The following TMEM117 variants were observed in gnomAD, a reference collection of about 807,000 sequenced individuals.
TMEM117 encodes transmembrane protein 117.
TMEM117 carries 27 observed loss-of-function variants against 52.4 expected under a neutral mutation model. The observed-to-expected ratio is 0.51, with a 90% confidence interval of 0.38 to 0.71. TMEM117 has a LOEUF of 0.71. TMEM117 is among the 30% of genes least tolerant of loss of function. The pLI is 0.00. For synonymous variants in TMEM117, 215 were observed against 206.3 expected (o/e 1.04, Z -0.36); for missense variants, 556 against 630.5 (o/e 0.88, Z 1.26).
At chr12:43,844,990 AC>A (rs1943177669) in intron 2 of TMEM117, 62 bp downstream of exon 2, 4 of 1,538,594 alleles carry the variant, frequency 2.6e-6, no homozygotes, top group Non-Finnish European at 3.5e-6. Flanking sequence ...TCTCCAAGAT[AC>A]AACTTTGCTA....
rs1337731687 is a variant in TMEM117 at position 43,873,917 on chromosome 12, CT to C, written c.277+28990del. 2.0e-5 allele frequency among the ~76,000 whole-genome samples: 3 copies of C among 152,178 alleles called. No individual in the cohort carries two copies. The East Asian group carries it at 5.8e-4, about 29-fold the overall frequency. On this transcript the variant is annotated intron_variant, in intron 2 of 7. Transcript: ENST00000266534. ...TCTTTCATTTCTTTTATTCTTCCAACTGCCTTTTGATCATTTATTATTAAAG... is the reference window on the plus strand; with the variant it reads ...TCTTTCATTTCTTTTATTCTTCCAACGCCTTTTGATCATTTATTATTAAAG...
At chr12:43,925,126 G>A (rs561827131) in intron 2 of TMEM117, among the ~76,000 whole-genome samples, 15 of 152,112 alleles carry the variant, frequency 9.9e-5, no homozygotes, top group African/African-American at 3.6e-4. Flanking sequence ...GAGGGACCAC[G>A]GTGGAAACTA....
intron 3 of TMEM117, among the ~76,000 whole-genome samples, chr12:43,957,584 C>A (rs1410839577): frequency 1.3e-5 from 2 of 152,096 alleles, no homozygotes; most frequent in Non-Finnish European, 1.5e-5. Context: ...CTGAACCAGT[C>A]TATTTAGAAA....
chr12:43,841,434 T>C (rs188998693), intron 1 of TMEM117, among the ~76,000 whole-genome samples: 11 of 152,324 alleles, frequency 7.2e-5, no homozygotes, highest in Admixed American at 7.2e-4. Context: ...ATGGCATTAC[T>C]GTGGTAATTA....
At chr12:44,214,035 A>G (rs1205000105) in intron 5 of TMEM117, among the ~76,000 whole-genome samples, 1 of 150,960 alleles carries the variant, frequency 6.6e-6, no homozygotes, top group Non-Finnish European at 1.5e-5. Context: ...GTTCTTAATC[A>G]TGATTGCTGT....
Position 44,006,006 on chromosome 12 carries a change from A to G in TMEM117, c.410+61664A>G, listed in dbSNP as rs563373065. Among the ~76,000 whole-genome samples, 354 of 152,204 alleles carry G rather than the reference A, an allele frequency of 2.3e-3. 3 individuals are homozygous for G. Among genetic ancestry groups the G allele is most frequent in the African/African-American group, 8.1e-3 (336 of 41,530 alleles). On this transcript the variant is annotated intron_variant, in intron 3 of 7. Transcript: ENST00000266534. ...CAATAAACCTTTTTTTCCTATATAAATTACCCAGTCTCGAGTATGTCTTTA... is the reference window on the plus strand; with the variant it reads ...CAATAAACCTTTTTTTCCTATATAAGTTACCCAGTCTCGAGTATGTCTTTA...
intron 3 of TMEM117, among the ~76,000 whole-genome samples, chr12:44,084,048 G>A (rs1426558618): frequency 1.3e-5 from 2 of 151,994 alleles, no homozygotes; most frequent in Admixed American, 6.6e-5. Flanking sequence ...TATTGAAATG[G>A]TCTCCAACAA....
chr12:44,107,269 C>G (rs1354160589), intron 3 of TMEM117, among the ~76,000 whole-genome samples: 1 of 152,044 alleles, frequency 6.6e-6, no homozygotes, highest in Non-Finnish European at 1.5e-5. Flanking sequence ...TTGAACCTAG[C>G]CTCCTTGGCT....
At chr12:43,916,213 T>G (rs1186813235) in intron 2 of TMEM117, among the ~76,000 whole-genome samples, 3 of 152,174 alleles carry the variant, frequency 2.0e-5, no homozygotes, top group African/African-American at 7.2e-5. Context: ...CTTCATTGCC[T>G]AATATTTTTC....
chr12:44,189,385 A>C (rs576243618), intron 4 of TMEM117, among the ~76,000 whole-genome samples: 74 of 152,320 alleles, frequency 4.9e-4, no homozygotes, highest in Non-Finnish European at 6.3e-4. Context: ...GTGAAAAAGA[A>C]TATAAAGATA....
chr12:44,071,520 CTA>C (rs1947301969), intron 3 of TMEM117, among the ~76,000 whole-genome samples: 1 of 152,108 alleles, frequency 6.6e-6, no homozygotes, highest in African/African-American at 2.4e-5. Context: ...AAAGATGTGA[CTA>C]TTTTATTACA....
chr12:43,847,978 C>G (rs1315311382), intron 2 of TMEM117, among the ~76,000 whole-genome samples: 1 of 152,132 alleles, frequency 6.6e-6, no homozygotes, highest in Non-Finnish European at 1.5e-5. Flanking sequence ...CCGCCTGAGT[C>G]TCAGACCAGC....
Position 44,261,415 on chromosome 12 carries a change from A to G in TMEM117, c.609-38165A>G, listed in dbSNP as rs17094358. Among the ~76,000 whole-genome samples the G allele has an allele frequency of 1.9e-3, 293 of 152,332 alleles. 7 individuals are homozygous for G. In the East Asian group the frequency reaches 0.035, roughly 18 times the overall value. ...ATGTGGAAAATGCAAAACAATTCTG[A>G]AATTTTGGTATTTATGAAATCAGTA... On this transcript the variant is annotated intron_variant, in intron 5 of 7. Transcript: ENST00000266534.
intron 4 of TMEM117, among the ~76,000 whole-genome samples, chr12:44,168,366 C>T (rs1207937001): frequency 6.6e-6 from 1 of 152,108 alleles, no homozygotes; most frequent in Non-Finnish European, 1.5e-5. Flanking sequence ...GAAAATATTT[C>T]TAGCACAGTG....
intron 5 of TMEM117, among the ~76,000 whole-genome samples, chr12:44,298,541 A>G (rs1404914312): frequency 1.3e-5 from 2 of 150,624 alleles, no homozygotes; most frequent in Non-Finnish European, 2.9e-5. Context: ...CACATTTCAG[A>G]TCTACTTTAA....
At chr12:43,813,336 C>T in the TMEM117 span, among the ~76,000 whole-genome samples, 3 of 149,800 alleles carry the variant, frequency 2.0e-5, no homozygotes, top group African/African-American at 7.4e-5. Flanking sequence ...CTCTGCCTCC[C>T]CAGTTCAAGC....
chr12:43,895,107 T>A (rs1944176104), intron 2 of TMEM117, among the ~76,000 whole-genome samples: 1 of 152,190 alleles, frequency 6.6e-6, no homozygotes. Flanking sequence ...TTAAGCCTAG[T>A]ATCCATTAGT....
intron 3 of TMEM117, among the ~76,000 whole-genome samples, chr12:44,052,331 C>T (rs1946987023): frequency 6.6e-6 from 1 of 151,996 alleles, no homozygotes. Flanking sequence ...TTTTAGTGCC[C>T]CCAGAGCAGT....
chr12:43,905,177 T>C (rs953796739), intron 2 of TMEM117, among the ~76,000 whole-genome samples: 2 of 152,060 alleles, frequency 1.3e-5, no homozygotes, highest in Admixed American at 6.5e-5. Context: ...AGCATGTCTG[T>C]GCCTGTGTAT....
Sources: allele counts gnomAD v4.1 joint callset (sites outside exome capture counted in the v4.1 genomes callset), GRCh38; gene constraint gnomAD v4.1.1; transcripts MANE v1.5; gene names NCBI Gene and HGNC (gene_info 2026-07-23, HGNC 2026-07-21).